Variants in VAV2 observed in about 807,000 individuals in gnomAD.
The protein encoded by VAV2 is guanine nucleotide exchange factor VAV2.
A neutral mutation model predicts 132.5 loss-of-function variants in VAV2; 67 were observed. The ratio of observed to expected loss-of-function variants is 0.51; its 90% CI spans 0.42 to 0.62. VAV2 has a LOEUF of 0.62. Ranked by LOEUF, VAV2 falls within the 20% of genes least tolerant of loss-of-function variation. The pLI is 0.00. For synonymous variants in VAV2, 492 were observed against 443.5 expected (o/e 1.11, Z -1.37); for missense variants, 938 against 1,153.6 (o/e 0.81, Z 2.71).
intron 4 of VAV2, among the ~76,000 whole-genome samples, chr9:133,814,458 C>A (rs768021775): frequency 6.6e-6 from 1 of 152,218 alleles, no homozygotes; most frequent in African/African-American, 2.4e-5. Context: ...GGAGGCGAGG[C>A]GAGACAGGGA....
chr9:133,874,057 AC>A (rs1004001689), intron 2 of VAV2, among the ~76,000 whole-genome samples: 1 of 152,162 alleles, frequency 6.6e-6, no homozygotes, highest in African/African-American at 2.4e-5. Context: ...AGGAGGAGTC[AC>A]CGGGGCTGGG....
rs554886827 is a variant in VAV2, at chr9:133,769,690, C to T, written c.2348-187G>A. Among the ~76,000 whole-genome samples, 17 of 152,266 alleles carry T rather than the reference C, an allele frequency of 1.1e-4. No homozygotes were observed. The highest frequency in any genetic ancestry group is 6.5e-4 in the Admixed American group (10 of 15,302). Reference sequence around the variant, plus strand: ...GCCCCACCCAGGCACAGGTGCCACTCGGCCACACCTGAGCTACCCTGGAAC... The same window carrying T: ...GCCCCACCCAGGCACAGGTGCCACTTGGCCACACCTGAGCTACCCTGGAAC... On this transcript the variant is annotated intron_variant, in intron 27 of 29. Coordinates refer to ENST00000371850, the MANE Select transcript of VAV2 (RefSeq NM_001134398.2). The surrounding 1 kb of genome is among the most constrained non-coding windows in gnomAD (Gnocchi z 8.1).
intron 4 of VAV2, among the ~76,000 whole-genome samples, chr9:133,830,379 G>A (rs2131767176): frequency 6.6e-6 from 1 of 152,312 alleles, no homozygotes; most frequent in Non-Finnish European, 1.5e-5. Flanking sequence ...TGCTGTGGGA[G>A]GGACCTGGAA....
chr9:133,884,200 C>G lies in VAV2; in HGVS notation c.322-22768G>C, dbSNP rs1450533655. On this transcript the variant is annotated intron_variant, in intron 2 of 29. Transcript: ENST00000371850. The surrounding 1 kb of genome is among the most constrained non-coding windows in gnomAD (Gnocchi z 5.3). Reference sequence around the variant, plus strand: ...AACTCATGAGCAAAGAGAGGGAATCCAAAATAAATGGTAACCAACCCCCAC... The same window carrying G: ...AACTCATGAGCAAAGAGAGGGAATCGAAAATAAATGGTAACCAACCCCCAC... Among the ~76,000 whole-genome samples, 1 of 151,994 alleles carries G rather than the reference C, an allele frequency of 6.6e-6. No homozygotes were observed. The highest frequency in any genetic ancestry group is 1.5e-5 in the Non-Finnish European group (1 of 67,994).
chr9:133,848,279 C>CAAAAAAAAAAAAAAAAAAAAAAAA (rs34908811), intron 3 of VAV2, among the ~76,000 whole-genome samples: 2 of 48,626 alleles, frequency 4.1e-5, no homozygotes, highest in East Asian at 7.6e-4. Context: ...GACTCCGTCT[C>CAAAAAAAAAAAAAAAAAAAAAAAA]AAAAAAAAAA....
At chr9:133,942,698 C>T (rs936716461) in intron 1 of VAV2, among the ~76,000 whole-genome samples, 11 of 152,364 alleles carry the variant, frequency 7.2e-5, no homozygotes, top group African/African-American at 2.6e-4. Context: ...CTTTCGGGCA[C>T]AGGATGGGCC....
At chr9:133,785,454 A>G (rs533520272) in intron 17 of VAV2, among the ~76,000 whole-genome samples, 1 of 152,348 alleles carries the variant, frequency 6.6e-6, no homozygotes, top group South Asian at 2.1e-4. Context: ...GGCCACTCCC[A>G]GCCGGTCACT....
intron 2 of VAV2, among the ~76,000 whole-genome samples, chr9:133,901,789 C>G (rs1044298425): frequency 1.3e-5 from 2 of 152,254 alleles, no homozygotes; most frequent in African/African-American, 4.8e-5. Flanking sequence ...CTGTCCCTGA[C>G]TCTGGAACCC....
At chr9:133,987,772 C>T (rs1278158889) in intron 1 of VAV2, among the ~76,000 whole-genome samples, 1 of 152,184 alleles carries the variant, frequency 6.6e-6, no homozygotes, top group Non-Finnish European at 1.5e-5. Context: ...CCAGACACAC[C>T]CGATTTCTCG....
Position 133,929,534 on chromosome 9 carries a change from G to A in VAV2, c.321+9569C>T, listed in dbSNP as rs183909544. On this transcript the variant is annotated intron_variant, in intron 2 of 29. Coordinates refer to ENST00000371850, the MANE Select transcript of VAV2 (RefSeq NM_001134398.2). The stretch of plus-strand genomic sequence containing the variant: ...CACGGGGGTAGGGGGACCCAAGGCT[G>A]ATAGACAAGGGTCCCAGGCAGAAGA... Among the ~76,000 whole-genome samples the A allele has an allele frequency of 3.6e-3, 553 of 152,230 alleles. 3 individuals carry two copies. Among genetic ancestry groups the A allele is most frequent in the African/African-American group, 0.012 (515 of 41,538 alleles).
intron 2 of VAV2, among the ~76,000 whole-genome samples, chr9:133,925,564 C>A (rs1439305661): frequency 6.6e-6 from 1 of 152,200 alleles, no homozygotes; most frequent in Non-Finnish European, 1.5e-5. Flanking sequence ...TCACCCAGGG[C>A]TCCAGCCCCA....
chr9:133,977,731 C>T (rs113381761), intron 1 of VAV2, among the ~76,000 whole-genome samples: 7,600 of 152,318 alleles, frequency 0.05, 242 homozygotes, highest in African/African-American at 0.082. Context: ...CAGCCCCTGC[C>T]GGACGCCAAC....
intron 2 of VAV2, among the ~76,000 whole-genome samples, chr9:133,901,687 C>T (rs1367725111): frequency 6.6e-6 from 1 of 152,228 alleles, no homozygotes; most frequent in East Asian, 1.9e-4. Flanking sequence ...CTACCTAGGT[C>T]TGTAGGCACT....
intron 9 of VAV2, among the ~76,000 whole-genome samples, chr9:133,798,447 C>T (rs1432344254): frequency 6.6e-6 from 1 of 152,204 alleles, no homozygotes; most frequent in Admixed American, 6.5e-5. Context: ...GCCCCAGCAT[C>T]GCTCTCTCCC....
At chr9:133,943,458 G>A (rs530001398) in intron 1 of VAV2, among the ~76,000 whole-genome samples, 201 of 152,360 alleles carry the variant, frequency 1.3e-3, no homozygotes, top group South Asian at 3.5e-3. Flanking sequence ...GGCTGCAGGA[G>A]CAAGCGGCAT....
intron 27 of VAV2, among the ~76,000 whole-genome samples, 183 bp downstream of exon 27, chr9:133,770,195 G>A (rs367656743): frequency 5.9e-5 from 9 of 152,364 alleles, no homozygotes; most frequent in South Asian, 4.1e-4. Flanking sequence ...GTCCCCGCCT[G>A]TCACATGGCC....
rs1008340919 is a variant in VAV2, at chr9:133,795,000, C to G, written c.1101+668G>C. ...AGGAGGGTGCACCTGAGCCAACACC[C>G]GGAGCCGGGGAAGTGCAGGGCACGT... On this transcript the variant is annotated intron_variant, in intron 12 of 29. Transcript: ENST00000371850. The surrounding 1 kb of genome is among the most constrained non-coding windows in gnomAD (Gnocchi z 4.6). 6.6e-6 allele frequency among the ~76,000 whole-genome samples: 1 copy of G among 152,208 alleles called. No homozygotes were observed.
At chr9:133,793,304 G>A (rs574224670) in intron 12 of VAV2, among the ~76,000 whole-genome samples, 1 of 152,024 alleles carries the variant, frequency 6.6e-6, no homozygotes, top group South Asian at 2.1e-4. Flanking sequence ...TCCCCAAAAT[G>A]CAAGTGACCA....
intron 1 of VAV2, among the ~76,000 whole-genome samples, chr9:133,957,761 C>T (rs1262788012): frequency 6.6e-6 from 1 of 152,120 alleles, no homozygotes; most frequent in African/African-American, 2.4e-5. Flanking sequence ...ATGAGCTCCA[C>T]CAAGTAAAAA....
Sources: gnomAD v4.1 joint callset for allele counts (sites outside exome capture counted in the v4.1 genomes callset) on GRCh38, gnomAD v4.1.1 for gene constraint, Gnocchi (gnomAD v3.1) non-coding constraint, MANE v1.5 for transcripts, NCBI Gene and HGNC (gene_info 2026-07-23, HGNC 2026-07-21) for gene names.